Variants in RADIL observed in about 807,000 individuals in gnomAD.
The protein encoded by RADIL is Rap associating with DIL domain.
RADIL carries 99 observed loss-of-function variants against 97.6 expected under a neutral mutation model. The observed-to-expected ratio is 1.01, with a 90% CI of 0.86 to 1.20. RADIL has a LOEUF of 1.20. RADIL is among the 50% of genes most tolerant of loss of function. The probability of loss-of-function intolerance (pLI) is 0.00; values close to 1 mark genes in which losing one functional copy is unlikely to be tolerated. For synonymous variants in RADIL, 803 were observed against 691.8 expected (o/e 1.16, Z -2.52); for missense variants, 1,765 against 1,498.9 (o/e 1.18, Z -2.93).
intron 2 of RADIL, among the ~76,000 whole-genome samples, chr7:4,868,996 A>C (rs1384667767): frequency 2.0e-5 from 3 of 152,170 alleles, no homozygotes; most frequent in Non-Finnish European, 4.4e-5. Context: ...GCCTCATGGC[A>C]GCTGTCTGTG....
chr7:4,831,138 C>G (rs1220590300), intron 5 of RADIL, among the ~76,000 whole-genome samples: 1 of 151,272 alleles, frequency 6.6e-6, no homozygotes, highest in Non-Finnish European at 1.5e-5. Flanking sequence ...TTGCCGTGAG[C>G]CGAGATCTCA....
In RADIL at chr7:4,797,957, G is replaced by C. The variant is rs1562421815; in HGVS notation, c.*1421C>G. 6.6e-6 allele frequency: 1 copy of C among 151,628 alleles called. No homozygotes were observed. Among genetic ancestry groups the C allele is most frequent in the Non-Finnish European group, 1.5e-5 (1 of 67,966 alleles). The allele number at this position is 151,628 out of a possible 1,614,324, so 9.4% of individuals were successfully genotyped here. A position where few individuals can be genotyped will look rare whatever the true frequency, so the allele number is the denominator to read the frequency against. On this transcript the variant is annotated 3_prime_UTR_variant, in exon 15 of 15. Transcript: ENST00000399583. ...CCACTGCACTCCAGCCTGGGTCACA[G>C]AGCGAGACTCCGTCTCATAAAAAAA...
intron 10 of RADIL, 180 bp downstream of exon 10, chr7:4,805,386 C>T: frequency 1.5e-6 from 1 of 680,694 alleles, no homozygotes; most frequent in Non-Finnish European, 2.2e-6. Flanking sequence ...TCCCCGGATC[C>T]CCAGGTTGGG....
chr7:4,871,382 A>G (rs1048821939), intron 2 of RADIL, among the ~76,000 whole-genome samples: 2 of 152,240 alleles, frequency 1.3e-5, no homozygotes, highest in African/African-American at 4.8e-5. Flanking sequence ...CGGCAGAGGA[A>G]GGCAGCGGCG....
intron 9 of RADIL, among the ~76,000 whole-genome samples, chr7:4,812,569 G>T (rs2344725): frequency 0.1 from 15,574 of 152,016 alleles, 1,076 homozygotes; most frequent in African/African-American, 0.19. Context: ...TTACAGGCAC[G>T]TGCCACCACG....
At chr7:4,805,454 A>C in intron 10 of RADIL, 112 bp downstream of exon 10, 1 of 1,336,370 alleles carries the variant, frequency 7.5e-7, no homozygotes, top group Non-Finnish European at 9.9e-7. Context: ...GGTCCCCAGG[A>C]GAGAGGTCCC....
intron 2 of RADIL, chr7:4,861,343 T>C (rs369664008): frequency 1.2e-4 from 197 of 1,613,894 alleles, no homozygotes; most frequent in Non-Finnish European, 1.6e-4. Flanking sequence ...GTTTGATAAC[T>C]GGCACAAATG....
chr7:4,858,660 C>T (rs557598652), intron 2 of RADIL: 25 of 152,678 alleles, frequency 1.6e-4, no homozygotes, highest in African/African-American at 6.0e-4. Flanking sequence ...ATGAACAAAA[C>T]TTCTCATATG....
chr7:4,799,309 G>A lies in RADIL; in HGVS notation c.*69C>T. 6.7e-7 allele frequency: 1 copy of A among 1,501,526 alleles called. No individual in the cohort carries two copies. The highest frequency in any genetic ancestry group is 9.2e-7 in the Non-Finnish European group (1 of 1,083,352). 93.0% of individuals were successfully genotyped at this position (1,501,526 alleles called of 1,614,324 possible). ...GGTCAGTTACAAAACAGGGACGAAG[G>A]CGGGAGGAAGCCCAGTGTCACCAGG... On this transcript the variant is annotated 3_prime_UTR_variant, in exon 15 of 15. Coordinates refer to ENST00000399583, the MANE Select transcript of RADIL (RefSeq NM_018059.5).
intron 2 of RADIL, chr7:4,861,280 C>T: frequency 6.2e-7 from 1 of 1,614,152 alleles, no homozygotes; most frequent in Middle Eastern, 1.6e-4. Flanking sequence ...CTGGAATAGT[C>T]TGTAGTGCTA....
At chr7:4,845,955 G>A (rs1440493742) in intron 2 of RADIL, among the ~76,000 whole-genome samples, 1 of 152,060 alleles carries the variant, frequency 6.6e-6, no homozygotes, top group Non-Finnish European at 1.5e-5. Context: ...CCGGGAAGCT[G>A]TGAGCCCTTC....
chr7:4,835,532 A>G lies in RADIL; in HGVS notation c.784-293T>C, dbSNP rs1783271860. ...GGTCAGGGCTGGCCGGGAAACAGGC[A>G]CTGGTTCTACAGACCGGGCCAAGGA... On this transcript the variant is annotated intron_variant, in intron 3 of 14. Coordinates refer to ENST00000399583, the MANE Select transcript of RADIL (RefSeq NM_018059.5). This position sits in a 1 kb window ranked among gnomAD's most constrained non-coding sequence, Gnocchi z 5.8. Among the ~76,000 whole-genome samples the G allele has an allele frequency of 6.6e-6, 1 of 152,150 alleles. No individual in the cohort carries two copies. Among genetic ancestry groups the G allele is most frequent in the African/African-American group, 2.4e-5 (1 of 41,438 alleles).
chr7:4,802,158 G>A (rs980147633), intron 11 of RADIL, among the ~76,000 whole-genome samples, 163 bp from the exon 12 acceptor site: 2 of 152,178 alleles, frequency 1.3e-5, no homozygotes, highest in South Asian at 2.1e-4. Context: ...GAGGCAAAGG[G>A]GCTTCCCCGC....
At chr7:4,860,367 T>C in intron 2 of RADIL, 1 of 1,614,000 alleles carries the variant, frequency 6.2e-7, no homozygotes, top group Non-Finnish European at 8.5e-7. Context: ...GTAATTTTCA[T>C]ACCCATCTCA....
At chr7:4,804,279 G>C (rs906475331) in intron 10 of RADIL, among the ~76,000 whole-genome samples, 2 of 152,236 alleles carry the variant, frequency 1.3e-5, no homozygotes, top group Non-Finnish European at 2.9e-5. Flanking sequence ...CAGAATTCAG[G>C]CCACAGAAAT....
Position 4,836,526 on chromosome 7 carries a change from G to C in RADIL, c.615C>G (p.Ser205Arg), listed in dbSNP as rs1443162646. The change falls in exon 3 of 15, where the codon AGC (serine) becomes AGG (arginine). Residue 205 changes from serine (S) to arginine (R), a missense_variant. Transcript: ENST00000399583. The part of the protein sequence containing the change: ...TPTPALGDAR[S>R]SPPPRLRRTV... ...TGCGGCGCAACCGGGGTGGAGGAGA[G>C]CTCCGGGCATCCCCCAGGGCCGGGG... 1 of 1,607,492 alleles carries C rather than the reference G, an allele frequency of 6.2e-7. No homozygotes were observed. The highest frequency in any genetic ancestry group is 8.5e-7 in the Non-Finnish European group (1 of 1,179,220).
In RADIL at chr7:4,878,243, G is replaced by C; in HGVS notation, c.-64-40C>G. On this transcript the variant is annotated intron_variant, in intron 1 of 14. Coordinates refer to ENST00000399583, the MANE Select transcript of RADIL (RefSeq NM_018059.5). The surrounding 1 kb of genome is among the most constrained non-coding windows in gnomAD (Gnocchi z 4.1). ...GAGAGAGGTTAGCGCCAACCATCGT[G>C]ACCACCAAGAGCAAATGAGGCCACA... 7.8e-7 allele frequency: 1 copy of C among 1,277,514 alleles called. No individual in the cohort carries two copies. Among genetic ancestry groups the C allele is most frequent in the Non-Finnish European group, 1.0e-6 (1 of 953,932 alleles). 79.1% of individuals were successfully genotyped at this position (1,277,514 alleles called of 1,614,324 possible). A position where few individuals can be genotyped will look rare whatever the true frequency, so the allele number is the denominator to read the frequency against.
In RADIL at chr7:4,813,110, T is replaced by C. The variant is rs1443012219; in HGVS notation, c.2139+2168A>G. On this transcript the variant is annotated intron_variant, in intron 9 of 14. Transcript: ENST00000399583. The surrounding 1 kb of genome is among the most constrained non-coding windows in gnomAD (Gnocchi z 5.0). ...TCTCTCTCTCTCTCTCTTTCCTTTC[T>C]TTCTTTCTTTTCTTTCTTTCATAGT... Among the ~76,000 whole-genome samples the C allele has an allele frequency of 1.5e-4, 23 of 149,418 alleles. No homozygotes were observed. The highest frequency in any genetic ancestry group is 5.8e-4 in the African/African-American group (23 of 39,628).
Position 4,821,048 on chromosome 7 carries a change from C to T in RADIL, c.1615+1346G>A, listed in dbSNP as rs576527570. On this transcript the variant is annotated intron_variant, in intron 6 of 14. Coordinates refer to ENST00000399583, the MANE Select transcript of RADIL (RefSeq NM_018059.5). The surrounding 1 kb of genome is among the most constrained non-coding windows in gnomAD (Gnocchi z 5.2). ...CACAGCCCCCTCCCAGGGATGGGGA[C>T]ACAGCTGAGTACACAGAGACCCCGC... Among the ~76,000 whole-genome samples the T allele has an allele frequency of 2.0e-5, 3 of 152,198 alleles. No homozygotes were observed. The highest frequency in any genetic ancestry group is 4.4e-5 in the Non-Finnish European group (3 of 68,016).
Sources: allele counts gnomAD v4.1 joint callset (sites outside exome capture counted in the v4.1 genomes callset), GRCh38; gene constraint gnomAD v4.1.1; non-coding constraint Gnocchi (gnomAD v3.1); transcripts MANE v1.5; gene names NCBI Gene and HGNC (gene_info 2026-07-23, HGNC 2026-07-21).